ATAD2B: variants seen among roughly 807,000 people sequenced by gnomAD.
The protein encoded by ATAD2B is ATPase family AAA domain-containing protein 2B.
ATAD2B carries 40 observed loss-of-function variants against 167.6 expected under a neutral mutation model. The observed-to-expected ratio is 0.24, with a 90% CI of 0.19 to 0.31. The LOEUF (loss-of-function observed/expected upper bound fraction) is 0.31, where lower values mean the gene tolerates loss of function less well. Ranked by LOEUF, ATAD2B falls within the 10% of genes least tolerant of loss-of-function variation. ATAD2B has a pLI of 1.00. For synonymous variants in ATAD2B, 579 were observed against 596.5 expected (o/e 0.97, Z 0.43); for missense variants, 1,242 against 1,757.2 (o/e 0.71, Z 5.24).
Position 23,926,750 on chromosome 2 carries a change from G to A in ATAD2B, c.21C>T (p.Ser7=). 6.5e-7 allele frequency: 1 copy of A among 1,545,928 alleles called. No individual in the cohort carries two copies. The highest frequency in any genetic ancestry group is 8.7e-7 in the Non-Finnish European group (1 of 1,145,212). MVNTRK[S]SLRLLGSKSP... ...ACTTGGACCCGAGAAGGCGGAGAGAGCTCTTCCGGGTGTTCACCATGGTCC... is the reference window on the plus strand; with the variant it reads ...ACTTGGACCCGAGAAGGCGGAGAGAACTCTTCCGGGTGTTCACCATGGTCC... The change falls in exon 1 of 28, where the codon AGC becomes AGT. Residue 7 remains serine, a synonymous_variant. Transcript: ENST00000238789.
At chr2:23,779,237 G>A (rs552168731) in intron 22 of ATAD2B, among the ~76,000 whole-genome samples, 18 of 143,554 alleles carry the variant, frequency 1.3e-4, no homozygotes, top group Admixed American at 7.2e-4. Flanking sequence ...GTGCAGTGGC[G>A]TGATCTCAGC....
intron 13 of ATAD2B, among the ~76,000 whole-genome samples, chr2:23,850,247 A>T (rs573405662): frequency 6.6e-6 from 1 of 152,272 alleles, no homozygotes; most frequent in African/African-American, 2.4e-5. Flanking sequence ...AACCACAGCT[A>T]TTTGTAAATT....
chr2:23,776,713 T>A (rs1000753549), intron 22 of ATAD2B, among the ~76,000 whole-genome samples: 1 of 152,214 alleles, frequency 6.6e-6, no homozygotes, highest in African/African-American at 2.4e-5. Flanking sequence ...AATAAGACCT[T>A]ATGACACTGT....
At chr2:23,760,394 C>T (rs1676500390) in intron 24 of ATAD2B, among the ~76,000 whole-genome samples, 1 of 152,112 alleles carries the variant, frequency 6.6e-6, no homozygotes, top group African/African-American at 2.4e-5. Context: ...GGCATGGTGG[C>T]TCACACCTGT....
chr2:23,844,034 G>A (rs1691353583), intron 13 of ATAD2B, among the ~76,000 whole-genome samples: 2 of 152,116 alleles, frequency 1.3e-5, no homozygotes, highest in South Asian at 4.2e-4. Context: ...CACTTCCCAG[G>A]TTCAAGTGAT....
chr2:23,709,719 G>A, the ATAD2B span, among the ~76,000 whole-genome samples: 2 of 152,142 alleles, frequency 1.3e-5, no homozygotes, highest in Admixed American at 6.5e-5. Flanking sequence ...AGGCTTTATG[G>A]TGAGTGGACC....
chr2:23,752,765 T>C (rs532311845), intron 27 of ATAD2B, among the ~76,000 whole-genome samples: 12 of 152,220 alleles, frequency 7.9e-5, no homozygotes, highest in Admixed American at 3.3e-4. Flanking sequence ...GCAGAATGCA[T>C]TGTGTTCCCA....
At chr2:23,880,577 G>T in intron 7 of ATAD2B, 62 bp downstream of exon 7, 3 of 860,142 alleles carry the variant, frequency 3.5e-6, no homozygotes, top group African/African-American at 1.7e-5. Flanking sequence ...AAAAAAAAAA[G>T]CAGTGGGGCA....
chr2:23,909,193 T>C (rs1310713311), intron 1 of ATAD2B, among the ~76,000 whole-genome samples: 1 of 151,106 alleles, frequency 6.6e-6, no homozygotes, highest in Admixed American at 6.6e-5. Flanking sequence ...AAAAGAAATA[T>C]TAGCCATCAA....
intron 19 of ATAD2B, among the ~76,000 whole-genome samples, chr2:23,791,251 C>T (rs1055207032): frequency 4.6e-5 from 7 of 152,184 alleles, no homozygotes; most frequent in African/African-American, 1.7e-4. Context: ...CATTCCCATA[C>T]AAATGTCTTT....
intron 16 of ATAD2B, among the ~76,000 whole-genome samples, chr2:23,822,142 T>A (rs1429921223): frequency 2.6e-5 from 4 of 152,332 alleles, no homozygotes; most frequent in Middle Eastern, 3.4e-3. Flanking sequence ...ATTAGTTTAA[T>A]CCAAAGAAGC....
chr2:23,803,313 TAC>T lies in ATAD2B; in HGVS notation c.2455-4992_2455-4991del, dbSNP rs150446002. Among the ~76,000 whole-genome samples, 1,413 of 148,672 alleles carry T rather than the reference TAC, an allele frequency of 9.5e-3. 10 individuals are homozygous for T. The highest frequency in any genetic ancestry group is 0.021 in the African/African-American group (862 of 40,726). On this transcript the variant is annotated intron_variant, in intron 18 of 27. Coordinates refer to ENST00000238789, the MANE Select transcript of ATAD2B (RefSeq NM_017552.4). Reference sequence around the variant, plus strand: ...TGAAATGCTCAGTAACATATGTGTGTACACACACACACACACACACACACACG... The same window carrying T: ...TGAAATGCTCAGTAACATATGTGTGTACACACACACACACACACACACACG...
the ATAD2B span, among the ~76,000 whole-genome samples, chr2:23,722,916 T>C: frequency 6.6e-6 from 1 of 152,126 alleles, no homozygotes; most frequent in South Asian, 2.1e-4. Flanking sequence ...TGCAAACTAC[T>C]CATCTGACAG....
downstream of ATAD2B, among the ~76,000 whole-genome samples, chr2:23,746,020 T>C (rs1674859732): frequency 1.3e-5 from 2 of 152,242 alleles, no homozygotes; most frequent in African/African-American, 2.4e-5. Context: ...TCTCAGCCTA[T>C]GCTTCTGTTG....
intron 16 of ATAD2B, among the ~76,000 whole-genome samples, chr2:23,821,034 C>A (rs184777398): frequency 3.9e-4 from 60 of 152,182 alleles, no homozygotes; most frequent in African/African-American, 1.3e-3. Context: ...TAATTTCATA[C>A]ACAAGGAAAT....
chr2:23,889,096 C>G (rs1346982190), intron 2 of ATAD2B, among the ~76,000 whole-genome samples: 1 of 152,158 alleles, frequency 6.6e-6, no homozygotes, highest in Non-Finnish European at 1.5e-5. Flanking sequence ...AAATATCCAA[C>G]AATTATTAGT....
chr2:23,748,690 T>C lies in ATAD2B; in HGVS notation c.*3356A>G, dbSNP rs1675056011. 1 of 152,200 alleles carries C rather than the reference T, an allele frequency of 6.6e-6. No homozygotes were observed. Among genetic ancestry groups the C allele is most frequent in the South Asian group, 2.1e-4 (1 of 4,832 alleles). The allele number at this position is 152,200 out of a possible 1,614,324, so 9.4% of individuals were successfully genotyped here. A position where few individuals can be genotyped will look rare whatever the true frequency, so the allele number is the denominator to read the frequency against. On this transcript the variant is annotated 3_prime_UTR_variant, in exon 28 of 28. Coordinates refer to ENST00000238789, the MANE Select transcript of ATAD2B (RefSeq NM_017552.4). ...GTTTTTCTTGTCATCTTTATTCAAG[T>C]ATTTCACAGCAGTTATATTACAAAT... is the stretch of plus-strand genomic sequence containing the variant.
intron 13 of ATAD2B, among the ~76,000 whole-genome samples, chr2:23,838,486 A>T (rs1049829714): frequency 6.6e-6 from 1 of 152,202 alleles, no homozygotes; most frequent in Non-Finnish European, 1.5e-5. Context: ...CCCTTGGATC[A>T]AAATCCTTTA....
chr2:23,724,291 GATAA>G, the ATAD2B span, among the ~76,000 whole-genome samples: 2 of 152,094 alleles, frequency 1.3e-5, no homozygotes, highest in African/African-American at 4.8e-5. Flanking sequence ...AACAAAAAAA[GATAA>G]ATGTTTGATA....
Sources: gnomAD v4.1 joint callset for allele counts (sites outside exome capture counted in the v4.1 genomes callset) on GRCh38, gnomAD v4.1.1 for gene constraint, MANE v1.5 for transcripts, NCBI Gene and HGNC (gene_info 2026-07-23, HGNC 2026-07-21) for gene names.